ALCAM: variants seen among roughly 807,000 people sequenced by gnomAD.
The protein encoded by ALCAM is activated leukocyte cell adhesion molecule, also known as CD166 antigen.
Under a neutral mutation model 70.9 loss-of-function variants are expected in ALCAM, and 30 were observed. That is an observed-to-expected ratio of 0.42 (90% CI 0.32 to 0.57). The LOEUF is 0.57. Among genes scored for constraint, ALCAM ranks in the 20% least tolerant of loss-of-function variants. The pLI is 0.11. For missense variants in ALCAM, 591 were observed against 695.1 expected (o/e 0.85, Z 1.68); for synonymous variants, 249 against 242.5 (o/e 1.03, Z -0.25).
chr3:105,569,941 G>T (rs928243493), intron 14 of ALCAM, among the ~76,000 whole-genome samples: 2 of 152,098 alleles, frequency 1.3e-5, no homozygotes, highest in Non-Finnish European at 2.9e-5. Context: ...GCAAGCCAAA[G>T]GTAGACCAAA....
chr3:105,401,908 T>C (rs1936099119), intron 1 of ALCAM, among the ~76,000 whole-genome samples: 1 of 151,372 alleles, frequency 6.6e-6, no homozygotes, highest in African/African-American at 2.4e-5. Context: ...TTTCTAGACT[T>C]GGGGCTCAGG....
At chr3:105,523,132 T>A (rs1576219521) in intron 2 of ALCAM, among the ~76,000 whole-genome samples, 1 of 85,836 alleles carries the variant, frequency 1.2e-5, no homozygotes, top group Non-Finnish European at 2.0e-5. Context: ...AGAGCGAGAC[T>A]CCGTCTCAAA....
intron 1 of ALCAM, among the ~76,000 whole-genome samples, chr3:105,438,351 A>G (rs1458475774): frequency 6.6e-6 from 1 of 152,064 alleles, no homozygotes; most frequent in African/African-American, 2.4e-5. Flanking sequence ...TTGGCATTTT[A>G]CTTACTTATC....
At chr3:105,459,947 A>G (rs1937581080) in intron 1 of ALCAM, among the ~76,000 whole-genome samples, 1 of 152,082 alleles carries the variant, frequency 6.6e-6, no homozygotes, top group Non-Finnish European at 1.5e-5. Context: ...TAGAAGTACC[A>G]TAGAAATAAA....
At chr3:105,513,082 C>T (rs1394926066) in intron 1 of ALCAM, among the ~76,000 whole-genome samples, 1 of 146,152 alleles carries the variant, frequency 6.8e-6, no homozygotes, top group Admixed American at 6.9e-5. Context: ...TGCCTATCCC[C>T]CCCAAAGCAC....
intron 1 of ALCAM, among the ~76,000 whole-genome samples, chr3:105,478,725 T>C (rs928174777): frequency 2.0e-5 from 3 of 152,174 alleles, no homozygotes; most frequent in African/African-American, 4.8e-5. Context: ...AACTAAACTC[T>C]GCAAATATAT....
intron 9 of ALCAM, among the ~76,000 whole-genome samples, chr3:105,546,903 G>A (rs766141938): frequency 6.6e-6 from 1 of 151,180 alleles, no homozygotes; most frequent in Non-Finnish European, 1.5e-5. Flanking sequence ...CATAGAAATT[G>A]GAATAGAACG....
intron 1 of ALCAM, among the ~76,000 whole-genome samples, chr3:105,473,662 A>G (rs1938006963): frequency 6.6e-6 from 1 of 151,588 alleles, no homozygotes; most frequent in Non-Finnish European, 1.5e-5. Flanking sequence ...GAAACCCTGC[A>G]GTCTGGCTCT....
chr3:105,517,055 T>G (rs1939401339), intron 1 of ALCAM, among the ~76,000 whole-genome samples: 1 of 152,098 alleles, frequency 6.6e-6, no homozygotes, highest in Non-Finnish European at 1.5e-5. Context: ...ACTTTGGGTC[T>G]CACTGGCACT....
chr3:105,458,795 T>C (rs1937566562), intron 1 of ALCAM, among the ~76,000 whole-genome samples: 1 of 152,192 alleles, frequency 6.6e-6, no homozygotes, highest in African/African-American at 2.4e-5. Flanking sequence ...GAAATAGCTC[T>C]GCTCCTGTTT....
In ALCAM at chr3:105,540,350, T is replaced by A. The variant is rs182099822; in HGVS notation, c.858+248T>A. Among the ~76,000 whole-genome samples the A allele has an allele frequency of 2.8e-4, 43 of 152,048 alleles. No homozygotes were observed. In the East Asian group the frequency reaches 8.2e-3, roughly 29 times the overall value. On this transcript the variant is annotated intron_variant, in intron 7 of 15. Coordinates refer to ENST00000306107, the MANE Select transcript of ALCAM (RefSeq NM_001627.4). ...AAACCATAATTGCAAAAACTTAAAG[T>A]TTAATTATCCAAATAAACTTTAAGA...
At chr3:105,449,168 T>C (rs993999121) in intron 1 of ALCAM, among the ~76,000 whole-genome samples, 4 of 152,218 alleles carry the variant, frequency 2.6e-5, no homozygotes, top group African/African-American at 9.6e-5. Context: ...ATTCTACAAC[T>C]GTATGTTCTT....
chr3:105,414,416 A>AAAAC (rs1426570668), intron 1 of ALCAM, among the ~76,000 whole-genome samples: 1 of 152,090 alleles, frequency 6.6e-6, no homozygotes, highest in Non-Finnish European at 1.5e-5. Flanking sequence ...CCCTGCCTCA[A>AAAAC]AAACAAACAA....
intron 9 of ALCAM, among the ~76,000 whole-genome samples, chr3:105,546,011 A>G (rs541611615): frequency 6.6e-6 from 1 of 151,548 alleles, no homozygotes; most frequent in South Asian, 2.1e-4. Context: ...TACTCTTGTA[A>G]TTGTCTGAAA....
intron 1 of ALCAM, among the ~76,000 whole-genome samples, chr3:105,410,429 G>T (rs1380905002): frequency 6.6e-6 from 1 of 151,952 alleles, no homozygotes; most frequent in Non-Finnish European, 1.5e-5. Context: ...TCCATTTCTT[G>T]TTCATGTACG....
At chr3:105,414,388 C>T (rs930965540) in intron 1 of ALCAM, among the ~76,000 whole-genome samples, 2 of 152,154 alleles carry the variant, frequency 1.3e-5, no homozygotes, top group South Asian at 4.2e-4. Context: ...GCACTTCAGC[C>T]TGGGTAACAG....
rs567450373 is a variant in ALCAM at position 105,476,611 on chromosome 3, G to A, written c.74-43456G>A. 9.9e-5 allele frequency among the ~76,000 whole-genome samples: 15 copies of A among 151,920 alleles called. No homozygotes were observed. In the East Asian group the frequency reaches 2.9e-3, roughly 29 times the overall value. On this transcript the variant is annotated intron_variant, in intron 1 of 15. Transcript: ENST00000306107. ...ATCCCTGTACGAAAATAAATACAAT[G>A]AATAAAACAAACAACAAAAAAAAAT...
At chr3:105,415,334 G>A (rs1193401819) in intron 1 of ALCAM, among the ~76,000 whole-genome samples, 1 of 152,106 alleles carries the variant, frequency 6.6e-6, no homozygotes, top group Admixed American at 6.6e-5. Flanking sequence ...AAATCTTATA[G>A]ATGCGTCCAT....
intron 1 of ALCAM, among the ~76,000 whole-genome samples, chr3:105,463,709 A>G (rs1230623523): frequency 6.6e-6 from 1 of 151,392 alleles, no homozygotes; most frequent in African/African-American, 2.4e-5. Context: ...ACAGATGTCT[A>G]CTACATTTTT....
Sources: gnomAD v4.1 joint callset for allele counts (sites outside exome capture counted in the v4.1 genomes callset) on GRCh38, gnomAD v4.1.1 for gene constraint, MANE v1.5 for transcripts, NCBI Gene and HGNC (gene_info 2026-07-23, HGNC 2026-07-21) for gene names.